The following SNAP25 variants were observed in gnomAD, a reference collection of about 807,000 sequenced individuals.
The protein encoded by SNAP25 is synaptosomal-associated protein 25.
Under a neutral mutation model 28.7 loss-of-function variants are expected in SNAP25, and 3 were observed. The observed-to-expected ratio is 0.10, with a 90% CI of 0.05 to 0.27. The LOEUF is 0.27. Among genes scored for constraint, SNAP25 ranks in the 10% least tolerant of loss-of-function variants. The probability of loss-of-function intolerance (pLI) is 1.00; values close to 1 mark genes in which losing one functional copy is unlikely to be tolerated. For synonymous variants in SNAP25, 61 were observed against 88.1 expected (o/e 0.69, Z 1.72); for missense variants, 117 against 278.7 (o/e 0.42, Z 4.13).
intron 1 of SNAP25, among the ~76,000 whole-genome samples, chr20:10,269,682 CTGT>C (rs978066288): frequency 1.2e-4 from 19 of 152,216 alleles, no homozygotes; most frequent in African/African-American, 4.1e-4. Flanking sequence ...CCACTCAACT[CTGT>C]TGTTGTAGCA....
intron 1 of SNAP25, among the ~76,000 whole-genome samples, chr20:10,250,693 A>G (rs191477333): frequency 4.6e-5 from 7 of 152,334 alleles, no homozygotes; most frequent in Admixed American, 6.5e-5. Flanking sequence ...ATTGGTGCCA[A>G]AAAGCTTCAT....
intron 1 of SNAP25, among the ~76,000 whole-genome samples, chr20:10,270,400 G>T (rs1229211959): frequency 6.6e-6 from 1 of 151,744 alleles, no homozygotes; most frequent in Non-Finnish European, 1.5e-5. Context: ...CTGAAGGCTG[G>T]CTGGAAATGC....
chr20:10,246,882 A>G (rs1218024277), intron 1 of SNAP25, among the ~76,000 whole-genome samples: 1 of 152,138 alleles, frequency 6.6e-6, no homozygotes, highest in East Asian at 1.9e-4. Flanking sequence ...TGTAGTTGCA[A>G]TTTAGCATAA....
intron 1 of SNAP25, among the ~76,000 whole-genome samples, chr20:10,264,535 A>C (rs1325962840): frequency 1.3e-5 from 2 of 152,248 alleles, no homozygotes; most frequent in Non-Finnish European, 2.9e-5. Context: ...TGTTTAACAC[A>C]TGCTATGTTA....
chr20:10,235,005 C>T (rs117917516), intron 1 of SNAP25, among the ~76,000 whole-genome samples: 2,938 of 152,268 alleles, frequency 0.019, 37 homozygotes, highest in Non-Finnish European at 0.032. Context: ...AAGGGTTCAG[C>T]GGCCTTGAAC....
In SNAP25 at chr20:10,272,687, G is replaced by T. The variant is rs362576; in HGVS notation, c.-63-2742G>T. On this transcript the variant is annotated intron_variant, in intron 1 of 7. Transcript: ENST00000254976. ...GCACATGTTCTAGTGGCCAGAACAC[G>T]CATTCGAAAATTAGCAGGCTCATCG... Among the ~76,000 whole-genome samples, 7 of 152,218 alleles carry T rather than the reference G, an allele frequency of 4.6e-5. No individual in the cohort carries two copies. The East Asian group carries it at 9.7e-4, about 21-fold the overall frequency.
intron 1 of SNAP25, among the ~76,000 whole-genome samples, chr20:10,257,961 C>T (rs1312524565): frequency 2.0e-5 from 3 of 151,700 alleles, no homozygotes; most frequent in Non-Finnish European, 2.9e-5. Flanking sequence ...AAAACCTTAC[C>T]TGTTTGTATT....
At chr20:10,296,180 T>C (rs1422484163) in intron 5 of SNAP25, 1 of 152,288 alleles carries the variant, frequency 6.6e-6, no homozygotes, top group Non-Finnish European at 1.5e-5. Context: ...TTTTTGGTGC[T>C]AGATGGCTTG....
At chr20:10,236,286 C>A (rs1422688992) in intron 1 of SNAP25, among the ~76,000 whole-genome samples, 1 of 152,118 alleles carries the variant, frequency 6.6e-6, no homozygotes, top group East Asian at 1.9e-4. Flanking sequence ...TCCAAGGTAA[C>A]TAAGGAATCA....
chr20:10,292,660 T>A (rs2064023590), intron 4 of SNAP25, among the ~76,000 whole-genome samples: 1 of 152,154 alleles, frequency 6.6e-6, no homozygotes, highest in Non-Finnish European at 1.5e-5. Flanking sequence ...TTCCACCCCA[T>A]CCCATCATGT....
intron 1 of SNAP25, among the ~76,000 whole-genome samples, chr20:10,243,241 T>C (rs73896511): frequency 0.021 from 3,127 of 152,342 alleles, 85 homozygotes; most frequent in African/African-American, 0.054. Flanking sequence ...TATTTTGAAA[T>C]ATTTTTAGAG....
chr20:10,224,095 C>G (rs1175188808), intron 1 of SNAP25, among the ~76,000 whole-genome samples: 2 of 152,008 alleles, frequency 1.3e-5, no homozygotes, highest in African/African-American at 4.8e-5. Context: ...GATGAAATAA[C>G]TGATGCACAG....
At chr20:10,285,246 T>C (rs2063853713) in intron 4 of SNAP25, among the ~76,000 whole-genome samples, 2 of 152,218 alleles carry the variant, frequency 1.3e-5, no homozygotes, top group African/African-American at 4.8e-5. Flanking sequence ...GGAGCTGTTT[T>C]TCACAGAATA....
intron 1 of SNAP25, among the ~76,000 whole-genome samples, chr20:10,265,495 C>A (rs914185606): frequency 2.0e-5 from 3 of 152,174 alleles, no homozygotes; most frequent in Non-Finnish European, 2.9e-5. Context: ...ACTTCACAAA[C>A]CTTGTTATTT....
chr20:10,223,179 A>G (rs1035290231), intron 1 of SNAP25, among the ~76,000 whole-genome samples: 2 of 152,210 alleles, frequency 1.3e-5, no homozygotes, highest in Non-Finnish European at 2.9e-5. Flanking sequence ...AATGGGTAGT[A>G]TATCAGATTT....
chr20:10,292,787 C>G, intron 4 of SNAP25: 1 of 784,292 alleles, frequency 1.3e-6, no homozygotes, highest in Non-Finnish European at 2.1e-6. Flanking sequence ...TGTAATATCT[C>G]TCTTTCAAAT....
intron 4 of SNAP25, among the ~76,000 whole-genome samples, chr20:10,286,289 T>C (rs925120062): frequency 1.3e-5 from 2 of 152,004 alleles, no homozygotes; most frequent in Admixed American, 6.6e-5. Context: ...GATGCCTCAT[T>C]TGGGGTCCCC....
At chr20:10,302,792 T>C (rs2064271247) in intron 7 of SNAP25, among the ~76,000 whole-genome samples, 1 of 152,080 alleles carries the variant, frequency 6.6e-6, no homozygotes. Flanking sequence ...CTTTTTTTTT[T>C]TTTTAAAAGA....
chr20:10,229,723 C>G (rs564850819), intron 1 of SNAP25, among the ~76,000 whole-genome samples: 13 of 152,216 alleles, frequency 8.5e-5, no homozygotes, highest in African/African-American at 2.4e-4. Flanking sequence ...CAGCAACCTT[C>G]TGAGTGGCAG....
Sources: gnomAD v4.1 joint callset for allele counts (sites outside exome capture counted in the v4.1 genomes callset) on GRCh38, gnomAD v4.1.1 for gene constraint, MANE v1.5 for transcripts, NCBI Gene and HGNC (gene_info 2026-07-23, HGNC 2026-07-21) for gene names.